ATP9B: variants seen among roughly 807,000 people sequenced by gnomAD.
The protein encoded by ATP9B is probable phospholipid-transporting ATPase IIB.
In ATP9B, 110 loss-of-function variants were observed where a neutral mutation model predicts 146.1. The ratio of observed to expected loss-of-function variants is 0.75; its 90% CI spans 0.65 to 0.88. The LOEUF (loss-of-function observed/expected upper bound fraction) is 0.88, where lower values mean the gene tolerates loss of function less well. ATP9B is among the 40% of genes least tolerant of loss of function. The pLI is 0.00. For synonymous variants in ATP9B, 604 were observed against 569.7 expected, an observed-to-expected ratio of 1.06 and a Z score of -0.86; for missense variants, 1,499 against 1,496.4, an observed-to-expected ratio of 1.00 and a Z score of -0.03.
intron 8 of ATP9B, among the ~76,000 whole-genome samples, chr18:79,178,161 G>T (rs1382329179): frequency 6.6e-6 from 1 of 152,106 alleles, no homozygotes; most frequent in African/African-American, 2.4e-5. Context: ...GGGTGTGTGT[G>T]CATGTGGCAG....
At chr18:79,259,681 T>G (rs200219837) in intron 12 of ATP9B, among the ~76,000 whole-genome samples, 1 of 152,298 alleles carries the variant, frequency 6.6e-6, no homozygotes, top group African/African-American at 2.4e-5. Context: ...CCCCAAGTGC[T>G]CTGTGCAGTC....
intron 15 of ATP9B, among the ~76,000 whole-genome samples, chr18:79,308,670 GGGGT>G (rs2096632624): frequency 8.6e-6 from 1 of 115,888 alleles, no homozygotes; most frequent in African/African-American, 3.0e-5. Context: ...TAGAAGGTCA[GGGGT>G]GGTGGAGTGA....
At chr18:79,269,845 G>A (rs2096238616) in intron 12 of ATP9B, among the ~76,000 whole-genome samples, 1 of 152,226 alleles carries the variant, frequency 6.6e-6, no homozygotes, top group Admixed American at 6.5e-5. Context: ...CCACAAGCAG[G>A]CTCACTGGCC....
At chr18:79,125,508 G>A (rs1037731511) in intron 4 of ATP9B, among the ~76,000 whole-genome samples, 2 of 152,222 alleles carry the variant, frequency 1.3e-5, no homozygotes, top group African/African-American at 4.8e-5. Context: ...TGTGCTTTCA[G>A]TGGACATACA....
chr18:79,271,992 A>T (rs1045313783), intron 12 of ATP9B, among the ~76,000 whole-genome samples: 5 of 152,226 alleles, frequency 3.3e-5, no homozygotes, highest in African/African-American at 1.2e-4. Context: ...ATGACCAGTG[A>T]TGATGAGCAT....
chr18:79,370,046 C>A (rs2097060037), intron 26 of ATP9B, among the ~76,000 whole-genome samples: 1 of 152,196 alleles, frequency 6.6e-6, no homozygotes, highest in Non-Finnish European at 1.5e-5. Context: ...TTGCAGTGAG[C>A]TGAGATCGTG....
intron 12 of ATP9B, among the ~76,000 whole-genome samples, chr18:79,267,588 G>A (rs1167653831): frequency 6.6e-6 from 1 of 151,918 alleles, no homozygotes; most frequent in East Asian, 1.9e-4. Flanking sequence ...TTTTAATTTC[G>A]ACGTGATTTC....
chr18:79,253,237 G>A (rs1246126555), intron 11 of ATP9B, 144 bp from the exon 12 acceptor site: 2 of 744,696 alleles, frequency 2.7e-6, no homozygotes, highest in African/African-American at 3.7e-5. Context: ...AATTCTGCCT[G>A]AATTTTCATA....
At chr18:79,130,103 C>T (rs1053631055) in intron 5 of ATP9B, among the ~76,000 whole-genome samples, 1 of 152,128 alleles carries the variant, frequency 6.6e-6, no homozygotes, top group Non-Finnish European at 1.5e-5. Context: ...GTGGCCCACT[C>T]CCAGAAGAAG....
At chr18:79,369,563 C>A (rs7239079) in intron 26 of ATP9B, among the ~76,000 whole-genome samples, 72,087 of 145,960 alleles carry the variant, frequency 0.49, 18,009 homozygotes, top group East Asian at 0.62. Flanking sequence ...AATCAGAGAA[C>A]GTATACTGAG....
At position 79,273,911 on chromosome 18, in the gene ATP9B, T is replaced by G. The variant is rs1470606285; in HGVS notation, c.1269-3143T>G. Reference sequence around the variant, plus strand: ...AAAACAGGTTCATGTATCTTCCTACTCCTAACATTGCTGAACACAGTATTT... The same window carrying G: ...AAAACAGGTTCATGTATCTTCCTACGCCTAACATTGCTGAACACAGTATTT... On this transcript the variant is annotated intron_variant, in intron 12 of 29. Transcript: ENST00000426216. 2.0e-5 allele frequency among the ~76,000 whole-genome samples: 3 copies of G among 152,360 alleles called. No homozygotes were observed. The East Asian group carries it at 5.8e-4, about 29-fold the overall frequency.
intron 1 of ATP9B, among the ~76,000 whole-genome samples, chr18:79,086,676 C>CT (rs1410515413): frequency 3.9e-5 from 6 of 151,996 alleles, no homozygotes; most frequent in African/African-American, 1.4e-4. Context: ...ACCATTAACT[C>CT]TAATTCAGAA....
At chr18:79,287,450 A>G (rs1300293334) in intron 13 of ATP9B, among the ~76,000 whole-genome samples, 1 of 151,914 alleles carries the variant, frequency 6.6e-6, no homozygotes, top group African/African-American at 2.4e-5. Context: ...TATTTCTGTG[A>G]GATCGGTGGT....
At chr18:79,232,964 C>A (rs1408227823) in intron 11 of ATP9B, among the ~76,000 whole-genome samples, 1 of 152,074 alleles carries the variant, frequency 6.6e-6, no homozygotes, top group Non-Finnish European at 1.5e-5. Flanking sequence ...ATAAAAAGAA[C>A]AAAACATCCA....
chr18:79,372,828 A>G lies in ATP9B; in HGVS notation c.3016A>G (p.Arg1006Gly). Residue 1006 changes from arginine to glycine, a missense_variant, in exon 27 of 30, where the codon AGA (arginine) becomes GGA (glycine). By Grantham distance (125) the Arg-to-Gly change is moderately radical. Coordinates refer to ENST00000426216, the MANE Select transcript of ATP9B (RefSeq NM_198531.5). ...CGCTCTTCCACTGTTTCCCTAGGGAAGATCCTTGTCCTTCAAAACCTTCCT... is the reference window on the plus strand; with the variant it reads ...CGCTCTTCCACTGTTTCCCTAGGGAGGATCCTTGTCCTTCAAAACCTTCCT... ...PELYKDLTKG[R>G]SLSFKTFLIW... 6.2e-7 allele frequency: 1 copy of G among 1,608,752 alleles called. No individual in the cohort carries two copies. Among genetic ancestry groups the G allele is most frequent in the Non-Finnish European group, 8.5e-7 (1 of 1,175,116 alleles).
At chr18:79,230,048 A>T (rs2095775800) in intron 11 of ATP9B, among the ~76,000 whole-genome samples, 1 of 152,186 alleles carries the variant, frequency 6.6e-6, no homozygotes, top group Non-Finnish European at 1.5e-5. Flanking sequence ...GTCAGGGAAG[A>T]TCTTTGTGTA....
At chr18:79,105,507 C>A (rs2075594175) in intron 2 of ATP9B, among the ~76,000 whole-genome samples, 1 of 152,140 alleles carries the variant, frequency 6.6e-6, no homozygotes, top group South Asian at 2.1e-4. Context: ...GGCTTGAGAC[C>A]TGCTTTCTCA....
chr18:79,255,824 C>G (rs1252119549), intron 12 of ATP9B, among the ~76,000 whole-genome samples: 2 of 152,180 alleles, frequency 1.3e-5, no homozygotes, highest in African/African-American at 2.4e-5. Context: ...GTATTTTTCT[C>G]CTGTGGAGCA....
chr18:79,281,830 C>G (rs978108238), intron 13 of ATP9B, among the ~76,000 whole-genome samples: 3 of 152,226 alleles, frequency 2.0e-5, no homozygotes, highest in Non-Finnish European at 4.4e-5. Context: ...TCAAGACCAG[C>G]CTGACCAACA....
Sources: gnomAD v4.1 joint callset for allele counts (sites outside exome capture counted in the v4.1 genomes callset) on GRCh38, gnomAD v4.1.1 for gene constraint, MANE v1.5 for transcripts, NCBI Gene and HGNC (gene_info 2026-07-23, HGNC 2026-07-21) for gene names.